The following NCKAP5 variants were observed in gnomAD, a reference collection of about 807,000 sequenced individuals.
NCKAP5 encodes NCK associated protein 5.
In NCKAP5, 92 loss-of-function variants were observed where a neutral mutation model predicts 167.0. The observed-to-expected ratio is 0.55, with a 90% CI of 0.47 to 0.66. NCKAP5 has a LOEUF of 0.66. Among genes scored for constraint, NCKAP5 ranks in the 30% least tolerant of loss-of-function variants. NCKAP5 has a pLI of 0.00. For synonymous variants in NCKAP5, 891 were observed against 877.4 expected (o/e 1.02, Z -0.27); for missense variants, 2,378 against 2,315.0 (o/e 1.03, Z -0.56).
At chr2:133,483,184 A>T (rs1216834945) in intron 3 of NCKAP5, among the ~76,000 whole-genome samples, 5 of 152,160 alleles carry the variant, frequency 3.3e-5, no homozygotes, top group African/African-American at 1.2e-4. Context: ...ATATCCCTGA[A>T]AAGTGGCCAT....
intron 16 of NCKAP5, among the ~76,000 whole-genome samples, chr2:132,761,501 T>C (rs1476572624): frequency 1.3e-5 from 2 of 152,238 alleles, no homozygotes; most frequent in African/African-American, 4.8e-5. Context: ...GTTCCTAGCC[T>C]GTGATGAATT....
At position 132,783,030 on chromosome 2, in the gene NCKAP5, G is replaced by C; in HGVS notation, c.3781C>G (p.His1261Asp). 1 of 1,613,912 alleles carries C rather than the reference G, an allele frequency of 6.2e-7. No homozygotes were observed. Among genetic ancestry groups the C allele is most frequent in the Non-Finnish European group, 8.5e-7 (1 of 1,179,868 alleles). ...MRRSLSSSKP[H>D]LKPALGMNGA... ...TTCATACCCAGAGCTGGTTTTAGGTGTGGTTTGCTGGAGGAAAGGGATCTT... is the reference window on the plus strand; with the variant it reads ...TTCATACCCAGAGCTGGTTTTAGGTCTGGTTTGCTGGAGGAAAGGGATCTT... Residue 1261 changes from histidine to aspartate, a missense_variant, in exon 14 of 20, where the codon CAC (histidine) becomes GAC (aspartate). His to Asp is a moderately conservative substitution (Grantham distance 81, BLOSUM62 -1). This residue lies in a region of NCKAP5 where 1,325 missense variants were observed against 1,274.5 expected (regional missense o/e 1.04). Transcript: ENST00000409261.
intron 4 of NCKAP5, among the ~76,000 whole-genome samples, chr2:133,219,700 GT>G (rs34193807): frequency 0.016 from 2,281 of 145,708 alleles, 40 homozygotes; most frequent in African/African-American, 0.039. Flanking sequence ...ATCAGCTGGA[GT>G]TTTTTTTTTT....
intron 16 of NCKAP5, among the ~76,000 whole-genome samples, chr2:132,759,346 T>C (rs919761082): frequency 6.6e-6 from 1 of 152,194 alleles, no homozygotes; most frequent in Non-Finnish European, 1.5e-5. Flanking sequence ...TGTTAAGGGT[T>C]TTTCTAGGGC....
At chr2:133,203,219 G>A (rs1274080364) in intron 5 of NCKAP5, among the ~76,000 whole-genome samples, 2 of 152,150 alleles carry the variant, frequency 1.3e-5, no homozygotes, top group African/African-American at 4.8e-5. Context: ...CATAAAAAAG[G>A]ATGAGTTCAT....
the NCKAP5 span, among the ~76,000 whole-genome samples, chr2:133,667,666 G>T: frequency 1.3e-5 from 2 of 151,932 alleles, no homozygotes; most frequent in African/African-American, 4.8e-5. Context: ...TTGATATATG[G>T]CATATTGACA....
At chr2:133,057,096 A>G (rs780528190) in intron 6 of NCKAP5, among the ~76,000 whole-genome samples, 1 of 152,140 alleles carries the variant, frequency 6.6e-6, no homozygotes, top group Non-Finnish European at 1.5e-5. Flanking sequence ...TTATTTTGGA[A>G]CACCACAAAT....
chr2:132,742,334 A>G (rs1323084002), intron 16 of NCKAP5, among the ~76,000 whole-genome samples: 1 of 151,974 alleles, frequency 6.6e-6, no homozygotes, highest in Non-Finnish European at 1.5e-5. Flanking sequence ...AAAGAAAATA[A>G]CTTGGGGTAC....
intron 16 of NCKAP5, among the ~76,000 whole-genome samples, chr2:132,737,701 T>C (rs758783884): frequency 6.6e-6 from 1 of 152,170 alleles, no homozygotes; most frequent in Non-Finnish European, 1.5e-5. Flanking sequence ...ATTATAGGGG[T>C]GCTTTGAGGA....
chr2:132,794,308 G>GT, intron 12 of NCKAP5, among the ~76,000 whole-genome samples: 1 of 50,098 alleles, frequency 2.0e-5, no homozygotes, highest in Non-Finnish European at 4.9e-5. Context: ...AGAGAGAGAG[G>GT]GTGGCGGGAA....
intron 3 of NCKAP5, among the ~76,000 whole-genome samples, chr2:133,367,258 A>G (rs1685510327): frequency 6.6e-6 from 1 of 152,056 alleles, no homozygotes; most frequent in Non-Finnish European, 1.5e-5. Context: ...ATTATTGGCT[A>G]TTTTCTGCAG....
intron 2 of NCKAP5, among the ~76,000 whole-genome samples, chr2:133,526,017 T>C (rs1377856980): frequency 1.3e-5 from 2 of 152,158 alleles, no homozygotes; most frequent in African/African-American, 4.8e-5. Flanking sequence ...CCGGAGTAGA[T>C]ACTCTGTTGG....
chr2:133,330,053 CTTTTTTTTTTTTTTTT>C (rs1165568563), intron 3 of NCKAP5, among the ~76,000 whole-genome samples: 2 of 85,704 alleles, frequency 2.3e-5, no homozygotes, highest in African/African-American at 4.7e-5. Flanking sequence ...AAAGCAAGAC[CTTTTTTTTTTTTTTTT>C]TTTTTTTTTT....
intron 8 of NCKAP5, among the ~76,000 whole-genome samples, chr2:132,941,027 A>T (rs1052094406): frequency 6.6e-6 from 1 of 152,224 alleles, no homozygotes; most frequent in African/African-American, 2.4e-5. Context: ...AGGAAAAGTA[A>T]GAAAACTAAA....
chr2:133,105,929 G>A lies in NCKAP5; in HGVS notation c.341+24049C>T, dbSNP rs559182300. On this transcript the variant is annotated intron_variant, in intron 6 of 19. Transcript: ENST00000409261. ...CACAGGCATAGAAATAAAACATAAAGCCTACTCACTGAAGCCAAAATATTA... is the reference window on the plus strand; with the variant it reads ...CACAGGCATAGAAATAAAACATAAAACCTACTCACTGAAGCCAAAATATTA... 4.1e-4 allele frequency among the ~76,000 whole-genome samples: 62 copies of A among 152,158 alleles called. 1 individual carries two copies. The South Asian group carries it at 0.013, about 31-fold the overall frequency.
At chr2:133,428,800 T>C (rs1689970236) in intron 3 of NCKAP5, among the ~76,000 whole-genome samples, 1 of 152,144 alleles carries the variant, frequency 6.6e-6, no homozygotes, top group Non-Finnish European at 1.5e-5. Context: ...TAGGCTACTA[T>C]AGTCAGTCAA....
At chr2:133,312,140 G>A (rs1681279968) in intron 3 of NCKAP5, among the ~76,000 whole-genome samples, 1 of 152,160 alleles carries the variant, frequency 6.6e-6, no homozygotes, top group Non-Finnish European at 1.5e-5. Flanking sequence ...TGCACAGAGT[G>A]AAAACATCTC....
intron 4 of NCKAP5, among the ~76,000 whole-genome samples, chr2:133,226,826 G>T (rs2086915838): frequency 6.6e-6 from 1 of 152,178 alleles, no homozygotes; most frequent in Admixed American, 6.5e-5. Context: ...AACTTCTGTT[G>T]TGTAAGCCAC....
At chr2:133,345,522 G>T (rs1574758001) in intron 3 of NCKAP5, among the ~76,000 whole-genome samples, 1 of 152,132 alleles carries the variant, frequency 6.6e-6, no homozygotes, top group Non-Finnish European at 1.5e-5. Flanking sequence ...ACCAAGTAGA[G>T]TTGAAATATG....
Sources: allele counts gnomAD v4.1 joint callset (sites outside exome capture counted in the v4.1 genomes callset), GRCh38; gene constraint gnomAD v4.1.1; regional missense constraint gnomAD v4.1.1; transcripts MANE v1.5; gene names NCBI Gene and HGNC (gene_info 2026-07-23, HGNC 2026-07-21).